MCC: variants seen among roughly 807,000 people sequenced by gnomAD.
The protein encoded by MCC is MCC regulator of Wnt signaling pathway, also known as colorectal mutant cancer protein.
MCC carries 90 observed loss-of-function variants against 116.2 expected under a neutral mutation model. The observed-to-expected ratio is 0.77, with a 90% CI of 0.65 to 0.92. MCC has a LOEUF of 0.92. Ranked by LOEUF, MCC falls within the 40% of genes least tolerant of loss-of-function variation. The probability of loss-of-function intolerance (pLI) is 0.00; values close to 1 mark genes in which losing one functional copy is unlikely to be tolerated. For synonymous variants in MCC, 578 were observed against 510.5 expected, an observed-to-expected ratio of 1.13 and a Z score of -1.78; for missense variants, 1,516 against 1,312.2, an observed-to-expected ratio of 1.16 and a Z score of -2.40.
rs977097792 is a variant in MCC, at chr5:113,415,048, A to G, written c.171-29836T>C. 7.2e-5 allele frequency among the ~76,000 whole-genome samples: 11 copies of G among 152,298 alleles called. 1 individual carries two copies. The highest frequency in any genetic ancestry group is 5.2e-4 in the Admixed American group (8 of 15,302). On this transcript the variant is annotated intron_variant, in intron 1 of 18. Coordinates refer to ENST00000408903, the MANE Select transcript of MCC (RefSeq NM_001085377.2). ...TGAAGCTTAGTTTGGCTGGATATAA[A>G]ATTCTGGGTTGAAAATTCTTTTCTT...
intron 3 of MCC, among the ~76,000 whole-genome samples, chr5:113,340,177 A>G (rs1581411646): frequency 1.3e-5 from 2 of 152,392 alleles, no homozygotes; most frequent in Non-Finnish European, 2.9e-5. Flanking sequence ...CAAATTAGGA[A>G]ACAGAAGCAA....
intron 6 of MCC, among the ~76,000 whole-genome samples, chr5:113,119,281 G>T (rs927569102): frequency 6.6e-6 from 1 of 152,216 alleles, no homozygotes; most frequent in African/African-American, 2.4e-5. Flanking sequence ...CCATCCTCAG[G>T]GAGTGCTCCA....
At chr5:113,108,111 G>A (rs909563528) in intron 6 of MCC, among the ~76,000 whole-genome samples, 57 of 152,066 alleles carry the variant, frequency 3.7e-4, no homozygotes, top group African/African-American at 1.3e-3. Flanking sequence ...TTGGGAGGCC[G>A]AGGTGGGTGG....
intron 13 of MCC, 127 bp from the exon 14 acceptor site, chr5:113,064,294 C>T: frequency 1.2e-6 from 1 of 809,556 alleles, no homozygotes; most frequent in South Asian, 1.8e-5. Flanking sequence ...ATTGGCAGTG[C>T]CCAGCCGAAG....
intron 3 of MCC, among the ~76,000 whole-genome samples, chr5:113,164,849 T>C (rs1428218112): frequency 6.6e-6 from 1 of 152,178 alleles, no homozygotes; most frequent in Non-Finnish European, 1.5e-5. Flanking sequence ...GCTGCTCAAA[T>C]TGGAAAGGCC....
rs1470692531 is a variant in MCC, at chr5:113,434,237, G to A, written c.171-49025C>T. The A allele has an allele frequency of 1.9e-6, 3 of 1,614,048 alleles. No individual in the cohort carries two copies. Among genetic ancestry groups the A allele is most frequent in the Non-Finnish European group, 8.5e-7 (1 of 1,179,954 alleles). ...CCATGATGTAGAGGATCACGCCTAG[G>A]CTCCAGATGTCGTACACCTTGGGCT... On this transcript the variant is annotated intron_variant, in intron 1 of 18. Coordinates refer to ENST00000408903, the MANE Select transcript of MCC (RefSeq NM_001085377.2). This position sits in a 1 kb window ranked among gnomAD's most constrained non-coding sequence, Gnocchi z 4.2.
chr5:113,255,666 A>G (rs1333926783), intron 3 of MCC, among the ~76,000 whole-genome samples: 2 of 152,186 alleles, frequency 1.3e-5, no homozygotes, highest in Non-Finnish European at 2.9e-5. Context: ...TTTTACCTTC[A>G]GCCTTAGGAG....
At chr5:113,403,660 A>G (rs1178894531) in intron 1 of MCC, among the ~76,000 whole-genome samples, 1 of 152,124 alleles carries the variant, frequency 6.6e-6, no homozygotes, top group Non-Finnish European at 1.5e-5. Context: ...TTTGGACAAG[A>G]AGGAGAGAAG....
intron 3 of MCC, among the ~76,000 whole-genome samples, chr5:113,329,707 T>G (rs1315449685): frequency 6.6e-6 from 1 of 152,216 alleles, no homozygotes; most frequent in African/African-American, 2.4e-5. Context: ...GCATACTTTT[T>G]AATGTCCCTT....
intron 17 of MCC, among the ~76,000 whole-genome samples, chr5:113,038,025 C>A (rs1751435977): frequency 6.6e-6 from 1 of 152,036 alleles, no homozygotes; most frequent in African/African-American, 2.4e-5. Flanking sequence ...CAGAATGACC[C>A]ATTAGGACAC....
intron 1 of MCC, among the ~76,000 whole-genome samples, chr5:113,405,847 C>T (rs1310088538): frequency 1.3e-5 from 2 of 151,792 alleles, no homozygotes; most frequent in Non-Finnish European, 2.9e-5. Context: ...AGTTTTGTAC[C>T]GTAAAAATAC....
At chr5:113,088,338 C>T (rs187703329) in intron 8 of MCC, among the ~76,000 whole-genome samples, 44 of 151,908 alleles carry the variant, frequency 2.9e-4, no homozygotes, top group Middle Eastern at 3.4e-3. Flanking sequence ...GGCATGGCTT[C>T]GGAAAGAGGC....
intron 10 of MCC, among the ~76,000 whole-genome samples, chr5:113,083,394 T>C (rs1754996166): frequency 1.3e-5 from 2 of 152,194 alleles, no homozygotes; most frequent in African/African-American, 4.8e-5. Context: ...GGAGAGGGGC[T>C]GACTCCTTCA....
intron 3 of MCC, among the ~76,000 whole-genome samples, chr5:113,336,646 T>C (rs989150717): frequency 6.6e-6 from 1 of 152,236 alleles, no homozygotes; most frequent in Non-Finnish European, 1.5e-5. Context: ...ACAGAACCAA[T>C]AGTCTTCATA....
At chr5:113,125,677 G>T (rs983235480) in intron 5 of MCC, among the ~76,000 whole-genome samples, 1 of 152,170 alleles carries the variant, frequency 6.6e-6, no homozygotes, top group Non-Finnish European at 1.5e-5. Context: ...TCCATCAAGA[G>T]CTATGGAGTA....
chr5:113,333,822 T>TATATGTACATATGTACATATGTAC (rs1285055961), intron 3 of MCC, among the ~76,000 whole-genome samples: 1 of 81,022 alleles, frequency 1.2e-5, no homozygotes, highest in Non-Finnish European at 2.3e-5. Flanking sequence ...TATATGTACA[T>TATATGTACATATGTACATATGTAC]ATATGTATAT....
At chr5:113,068,485 T>G (rs76097355) in intron 12 of MCC, among the ~76,000 whole-genome samples, 8,339 of 152,278 alleles carry the variant, frequency 0.055, 283 homozygotes, top group East Asian at 0.11. Context: ...TCCCTTGTGG[T>G]AGGCCACTCC....
In MCC at chr5:113,268,749, T is replaced by C. The variant is rs34463924; in HGVS notation, c.627+71770A>G. ...GTTTGGGAGGTGGATTTCTTTAAAA[T>C]CATCCCTTAGTAAATCTTTGGTTAC... On this transcript the variant is annotated intron_variant, in intron 3 of 18. Coordinates refer to ENST00000408903, the MANE Select transcript of MCC (RefSeq NM_001085377.2). Among the ~76,000 whole-genome samples, 291 of 152,320 alleles carry C rather than the reference T, an allele frequency of 1.9e-3. 2 individuals carry two copies. Among genetic ancestry groups the C allele is most frequent in the Non-Finnish European group, 3.3e-3 (226 of 68,016 alleles).
intron 3 of MCC, among the ~76,000 whole-genome samples, chr5:113,323,584 G>A (rs1429223282): frequency 6.6e-6 from 1 of 152,180 alleles, no homozygotes; most frequent in African/African-American, 2.4e-5. Flanking sequence ...AATTCCTGCA[G>A]GGAAATGGGA....
Sources: allele counts gnomAD v4.1 joint callset (sites outside exome capture counted in the v4.1 genomes callset), GRCh38; gene constraint gnomAD v4.1.1; non-coding constraint Gnocchi (gnomAD v3.1); transcripts MANE v1.5; gene names NCBI Gene and HGNC (gene_info 2026-07-23, HGNC 2026-07-21).